Variants in DPYD observed in about 807,000 individuals in gnomAD.
DPYD encodes the protein dihydropyrimidine dehydrogenase.
In DPYD, 109 loss-of-function variants were observed where a neutral mutation model predicts 116.2. That is an observed-to-expected ratio of 0.94 (90% confidence interval 0.80 to 1.10). The LOEUF is 1.10. Among genes scored for constraint, DPYD ranks in the 50% least tolerant of loss-of-function variants. The pLI, the probability that DPYD is intolerant of heterozygous loss-of-function variation, is 0.00. For synonymous variants in DPYD, 440 were observed against 432.0 expected (o/e 1.02, Z -0.23); for missense variants, 1,302 against 1,254.5 (o/e 1.04, Z -0.57).
intron 20 of DPYD, among the ~76,000 whole-genome samples, chr1:97,106,784 T>A (rs1413427542): frequency 1.3e-5 from 2 of 151,960 alleles, no homozygotes; most frequent in African/African-American, 4.8e-5. Context: ...CTGGCCTCTA[T>A]AACAACGTGA....
intron 16 of DPYD, among the ~76,000 whole-genome samples, chr1:97,312,890 C>T (rs1667598911): frequency 1.3e-5 from 2 of 151,722 alleles, no homozygotes; most frequent in South Asian, 4.2e-4. Flanking sequence ...TAAATTTCAT[C>T]TATTATTCTA....
chr1:97,356,465 T>C (rs1427414617), intron 16 of DPYD, among the ~76,000 whole-genome samples: 1 of 152,232 alleles, frequency 6.6e-6, no homozygotes, highest in African/African-American at 2.4e-5. Context: ...TTTGCACTTG[T>C]TGCCTGTGAT....
At chr1:97,776,829 A>G (rs1322416984) in intron 3 of DPYD, among the ~76,000 whole-genome samples, 7 of 152,326 alleles carry the variant, frequency 4.6e-5, no homozygotes, top group South Asian at 2.1e-4. Context: ...AAGTTTTCTT[A>G]TGGAAATTCT....
chr1:97,163,398 A>T (rs2101749752), intron 20 of DPYD, among the ~76,000 whole-genome samples: 1 of 152,330 alleles, frequency 6.6e-6, no homozygotes, highest in South Asian at 2.1e-4. Flanking sequence ...AAAGAAAACA[A>T]TCTACTACCC....
chr1:97,439,993 C>T (rs557312965), intron 14 of DPYD, among the ~76,000 whole-genome samples: 102 of 151,966 alleles, frequency 6.7e-4, no homozygotes, highest in East Asian at 2.5e-3. Context: ...AGTCTATTTT[C>T]GGCCGGGCGC....
At chr1:97,577,139 T>A (rs1653316480) in intron 10 of DPYD, among the ~76,000 whole-genome samples, 1 of 152,196 alleles carries the variant, frequency 6.6e-6, no homozygotes, top group Admixed American at 6.5e-5. Context: ...TGCCTTGGCA[T>A]CTATTTTAAA....
intron 16 of DPYD, among the ~76,000 whole-genome samples, chr1:97,345,399 C>G (rs1669790784): frequency 6.6e-6 from 1 of 151,494 alleles, no homozygotes; most frequent in African/African-American, 2.4e-5. Context: ...TTTTGTATAC[C>G]CTTAAATGTT....
intron 14 of DPYD, among the ~76,000 whole-genome samples, chr1:97,415,690 G>A (rs1674253333): frequency 1.3e-5 from 2 of 152,152 alleles, no homozygotes; most frequent in Non-Finnish European, 2.9e-5. Flanking sequence ...TACTTATGAG[G>A]AATGTGGCAT....
chr1:97,410,107 T>C (rs1405761817), intron 14 of DPYD, among the ~76,000 whole-genome samples: 2 of 151,092 alleles, frequency 1.3e-5, no homozygotes, highest in Non-Finnish European at 3.0e-5. Flanking sequence ...AAAAAAAAAC[T>C]ACAAACGACC....
At chr1:97,079,193 A>C in intron 22 of DPYD, 47 bp from the exon 23 acceptor site, 2 of 1,604,148 alleles carry the variant, frequency 1.2e-6, no homozygotes, top group Non-Finnish European at 1.7e-6. Flanking sequence ...CACAAAGGTC[A>C]ACAATGTCCC....
chr1:97,806,374 TGTC>T (rs1435895283), intron 3 of DPYD, among the ~76,000 whole-genome samples: 3 of 151,906 alleles, frequency 2.0e-5, no homozygotes, highest in Non-Finnish European at 2.9e-5. Flanking sequence ...AGTATGTTAC[TGTC>T]GTTTTAATTT....
intron 20 of DPYD, among the ~76,000 whole-genome samples, chr1:97,116,148 T>C (rs930881322): frequency 2.6e-5 from 4 of 152,172 alleles, no homozygotes; most frequent in Admixed American, 6.6e-5. Flanking sequence ...AATATTTATA[T>C]ACAAAAACAC....
intron 21 of DPYD, among the ~76,000 whole-genome samples, chr1:97,089,521 G>A (rs1264150098): frequency 6.6e-6 from 1 of 152,068 alleles, no homozygotes; most frequent in East Asian, 1.9e-4. Flanking sequence ...TCTTTTAGAA[G>A]GAAATCTTTA....
At chr1:97,545,856 G>A in intron 12 of DPYD, 2 of 1,105,584 alleles carry the variant, frequency 1.8e-6, no homozygotes, top group Non-Finnish European at 2.8e-6. Flanking sequence ...ACATTGAAGA[G>A]GACAATCTTA....
intron 2 of DPYD, among the ~76,000 whole-genome samples, chr1:97,845,850 G>A (rs975193213): frequency 6.6e-6 from 1 of 152,144 alleles, no homozygotes; most frequent in Non-Finnish European, 1.5e-5. Context: ...CCTCATCCAC[G>A]TGTGGGTGCA....
At chr1:97,596,512 C>T (rs757546740) in intron 8 of DPYD, among the ~76,000 whole-genome samples, 2 of 152,136 alleles carry the variant, frequency 1.3e-5, no homozygotes, top group Non-Finnish European at 2.9e-5. Flanking sequence ...AGAAATAATT[C>T]ATCTCAATTC....
intron 5 of DPYD, among the ~76,000 whole-genome samples, chr1:97,701,570 T>G (rs1239165033): frequency 6.6e-6 from 1 of 151,808 alleles, no homozygotes; most frequent in Non-Finnish European, 1.5e-5. Context: ...TAGATATAAA[T>G]GTAAGTTTTC....
At chr1:97,579,093 C>T (rs1653464565) in intron 10 of DPYD, among the ~76,000 whole-genome samples, 1 of 152,100 alleles carries the variant, frequency 6.6e-6, no homozygotes, top group African/African-American at 2.4e-5. Context: ...AAATAGTCAA[C>T]AATTGATAAG....
chr1:97,511,738 G>A (rs1192569027), intron 13 of DPYD, among the ~76,000 whole-genome samples: 1 of 151,854 alleles, frequency 6.6e-6, no homozygotes, highest in East Asian at 1.9e-4. Context: ...AAGCATTCAA[G>A]AACAGGTTAC....
Sources: allele counts gnomAD v4.1 joint callset (sites outside exome capture counted in the v4.1 genomes callset), GRCh38; gene constraint gnomAD v4.1.1; transcripts MANE v1.5; gene names NCBI Gene and HGNC (gene_info 2026-07-23, HGNC 2026-07-21).